The following ST3GAL1 variants were observed in gnomAD, a reference collection of about 807,000 sequenced individuals.
ST3GAL1 encodes the protein CMP-N-acetylneuraminate-beta-galactosamide-alpha-2,3-sialyltransferase 1.
In ST3GAL1, 16 loss-of-function variants were observed where a neutral mutation model predicts 34.1. The observed-to-expected ratio is 0.47, with a 90% CI of 0.32 to 0.71. The LOEUF (loss-of-function observed/expected upper bound fraction) is 0.71. ST3GAL1 is among the 30% of genes least tolerant of loss of function. ST3GAL1 has a pLI of 0.04. For missense variants in ST3GAL1, 353 were observed against 447.4 expected (o/e 0.79, Z 1.90); for synonymous variants, 191 against 184.7 (o/e 1.03, Z -0.28).
intron 2 of ST3GAL1, among the ~76,000 whole-genome samples, chr8:133,540,706 T>C (rs565614814): frequency 1.4e-5 from 2 of 142,302 alleles, no homozygotes; most frequent in African/African-American, 2.6e-5. Flanking sequence ...TATATATATA[T>C]ACAGACATAT....
chr8:133,540,764 C>CATATAT (rs1181520968), intron 2 of ST3GAL1, among the ~76,000 whole-genome samples: 1 of 75,254 alleles, frequency 1.3e-5, no homozygotes, highest in African/African-American at 7.4e-5. Context: ...TATATATAGA[C>CATATAT]ATATATATAT....
chr8:133,545,169 G>A (rs1001419608), intron 2 of ST3GAL1, among the ~76,000 whole-genome samples: 1 of 152,228 alleles, frequency 6.6e-6, no homozygotes, highest in African/African-American at 2.4e-5. Context: ...GTTCTGTGTG[G>A]ACAGCTCAGC....
chr8:133,529,075 G>A (rs1288567311), intron 2 of ST3GAL1, among the ~76,000 whole-genome samples: 1 of 152,280 alleles, frequency 6.6e-6, no homozygotes, highest in African/African-American at 2.4e-5. Flanking sequence ...AACCAGTGGT[G>A]ACCGAGCAGA....
intron 2 of ST3GAL1, among the ~76,000 whole-genome samples, chr8:133,526,393 C>T (rs1817975638): frequency 6.6e-6 from 1 of 152,080 alleles, no homozygotes; most frequent in Non-Finnish European, 1.5e-5. Context: ...CTAAGTCTCT[C>T]CAACCACCCA....
chr8:133,530,833 G>A (rs1818132067), intron 2 of ST3GAL1, among the ~76,000 whole-genome samples: 1 of 152,172 alleles, frequency 6.6e-6, no homozygotes, highest in Admixed American at 6.5e-5. Context: ...TGATTTCTGT[G>A]GTGCCTGGAG....
At position 133,535,685 on chromosome 8, in the gene ST3GAL1, C is replaced by T. The variant is rs1035465556; in HGVS notation, c.-429+10089G>A. Among the ~76,000 whole-genome samples the T allele has an allele frequency of 9.9e-5, 15 of 152,238 alleles. No homozygotes were observed. The South Asian group carries it at 1.7e-3, about 17-fold the overall frequency. On this transcript the variant is annotated intron_variant, in intron 2 of 9. Transcript: ENST00000522652. ...ACTTTTTTTGGTAGGGGGTGAATCT[C>T]GCTATGTTGCCCAAGCTGGTTTGGA...
In ST3GAL1 at chr8:133,522,246, G is replaced by C. The variant is rs149656262; in HGVS notation, c.-428-23057C>G. Among the ~76,000 whole-genome samples the C allele has an allele frequency of 9.0e-3, 1,372 of 152,236 alleles. 23 individuals carry two copies. The highest frequency in any genetic ancestry group is 0.031 in the African/African-American group (1,295 of 41,550). ...AGCTAGCAGGAAGGAAAGTTCAGAG[G>C]ATGTGGAAAAACGCAGACCCAGCAA... On this transcript the variant is annotated intron_variant, in intron 2 of 9. Coordinates refer to ENST00000522652, the MANE Select transcript of ST3GAL1 (RefSeq NM_173344.3).
At chr8:133,542,151 C>T (rs1818555213) in intron 2 of ST3GAL1, among the ~76,000 whole-genome samples, 1 of 152,092 alleles carries the variant, frequency 6.6e-6, no homozygotes, top group Non-Finnish European at 1.5e-5. Flanking sequence ...GTTATGTCTG[C>T]TCAGAGGGCC....
intron 2 of ST3GAL1, among the ~76,000 whole-genome samples, chr8:133,524,023 C>T (rs1817888982): frequency 6.6e-6 from 1 of 152,212 alleles, no homozygotes; most frequent in South Asian, 2.1e-4. Flanking sequence ...AGAACCACCA[C>T]ATGTGACCCA....
rs779054459 is a variant in ST3GAL1 at position 133,570,657 on chromosome 8, C to T, written c.-582+1036G>A. ...GCCAAGCCGGGGCGCAAGCTCAACCCCCATCTCAAGTTCAGCCGCGCTTCC... is the reference window on the plus strand; with the variant it reads ...GCCAAGCCGGGGCGCAAGCTCAACCTCCATCTCAAGTTCAGCCGCGCTTCC... On this transcript the variant is annotated intron_variant, in intron 1 of 9. Transcript: ENST00000522652. This position sits in a 1 kb window ranked among gnomAD's most constrained non-coding sequence, Gnocchi z 5.6. 6.6e-6 allele frequency among the ~76,000 whole-genome samples: 1 copy of T among 152,206 alleles called. No individual in the cohort carries two copies. Among genetic ancestry groups the T allele is most frequent in the Non-Finnish European group, 1.5e-5 (1 of 68,034 alleles).
intron 2 of ST3GAL1, among the ~76,000 whole-genome samples, chr8:133,540,858 T>TATATATATAGAGACATATATAGAGAGAC (rs1554618758): frequency 8.7e-6 from 1 of 114,412 alleles, no homozygotes; most frequent in Non-Finnish European, 1.8e-5. Context: ...TATAGAGACA[T>TATATATATAGAGACATATATAGAGAGAC]ATATATAGAG....
intron 1 of ST3GAL1, among the ~76,000 whole-genome samples, chr8:133,552,673 T>C (rs574854729): frequency 1.3e-5 from 2 of 152,268 alleles, no homozygotes; most frequent in East Asian, 3.9e-4. Context: ...ATGCACCTGT[T>C]AGACTAGGAA....
chr8:133,470,962 G>C (rs963828004), intron 5 of ST3GAL1, among the ~76,000 whole-genome samples: 1 of 152,102 alleles, frequency 6.6e-6, no homozygotes, highest in African/African-American at 2.4e-5. Flanking sequence ...CTATCCACAG[G>C]CCACACCCGT....
chr8:133,511,672 A>G (rs1356357388), intron 2 of ST3GAL1, among the ~76,000 whole-genome samples: 1 of 152,174 alleles, frequency 6.6e-6, no homozygotes, highest in East Asian at 1.9e-4. Context: ...CTGCACCTTC[A>G]CTAGAGACCT....
chr8:133,523,980 C>T (rs1817887855), intron 2 of ST3GAL1, among the ~76,000 whole-genome samples: 1 of 152,190 alleles, frequency 6.6e-6, no homozygotes, highest in South Asian at 2.1e-4. Flanking sequence ...TGTGACCCTC[C>T]AGTCAGGGCC....
rs1275507880 is a variant in ST3GAL1, at chr8:133,456,163, C to T, written c.*3601G>A. ...CATCCATTTATGAACTTTCTTCCAG[C>T]CCAGGATCCCTGCAGAGAACCAGAG... On this transcript the variant is annotated 3_prime_UTR_variant, in exon 10 of 10. Coordinates refer to ENST00000522652, the MANE Select transcript of ST3GAL1 (RefSeq NM_173344.3). 1 of 152,218 alleles carries T rather than the reference C, an allele frequency of 6.6e-6. No individual in the cohort carries two copies. Among genetic ancestry groups the T allele is most frequent in the South Asian group, 2.1e-4 (1 of 4,828 alleles). 9.4% of individuals were successfully genotyped at this position (152,218 alleles called of 1,614,324 possible). A position where few individuals can be genotyped will look rare whatever the true frequency, so the allele number is the denominator to read the frequency against.
chr8:133,558,371 A>G (rs941320200), intron 1 of ST3GAL1, among the ~76,000 whole-genome samples: 4 of 152,208 alleles, frequency 2.6e-5, no homozygotes, highest in Non-Finnish European at 5.9e-5. Flanking sequence ...GGATGAGGAA[A>G]GGGAAGTACA....
At chr8:133,462,950 T>C (rs1815565546) in intron 8 of ST3GAL1, among the ~76,000 whole-genome samples, 1 of 152,226 alleles carries the variant, frequency 6.6e-6, no homozygotes, top group Non-Finnish European at 1.5e-5. Flanking sequence ...GTGTGGTGGG[T>C]ACCTCACTTC....
chr8:133,501,310 T>C (rs1018135396), intron 2 of ST3GAL1, among the ~76,000 whole-genome samples: 1 of 152,138 alleles, frequency 6.6e-6, no homozygotes, highest in Non-Finnish European at 1.5e-5. Flanking sequence ...CACAGGCAGC[T>C]AGAGTAAGTT....
Sources: gnomAD v4.1 joint callset for allele counts (sites outside exome capture counted in the v4.1 genomes callset) on GRCh38, gnomAD v4.1.1 for gene constraint, Gnocchi (gnomAD v3.1) non-coding constraint, MANE v1.5 for transcripts, NCBI Gene and HGNC (gene_info 2026-07-23, HGNC 2026-07-21) for gene names.